SCAF8: variants seen among roughly 807,000 people sequenced by gnomAD.
SCAF8 encodes the protein SR-related CTD associated factor 8, also known as SR-related and CTD-associated factor 8.
Under a neutral mutation model 140.5 loss-of-function variants are expected in SCAF8, and 23 were observed. That is an observed-to-expected ratio of 0.16 (90% CI 0.12 to 0.23). SCAF8 has a LOEUF of 0.23. Among genes scored for constraint, SCAF8 ranks in the 10% least tolerant of loss-of-function variants. The probability of loss-of-function intolerance (pLI) is 1.00; values close to 1 mark genes in which losing one functional copy is unlikely to be tolerated. For synonymous variants in SCAF8, 575 were observed against 528.9 expected (o/e 1.09, Z -1.20); for missense variants, 1,397 against 1,555.7 (o/e 0.90, Z 1.72).
chr6:154,781,071 G>T (rs901342550), intron 3 of SCAF8, among the ~76,000 whole-genome samples: 4 of 152,016 alleles, frequency 2.6e-5, no homozygotes, highest in African/African-American at 9.7e-5. Context: ...CATTCTGACT[G>T]GTGTGAGAGT....
At chr6:154,767,529 CTTTTTTTT>C (rs71021076) in intron 1 of SCAF8, among the ~76,000 whole-genome samples, 15 of 91,036 alleles carry the variant, frequency 1.6e-4, no homozygotes, top group South Asian at 3.5e-4. Context: ...CTTCTGTTAT[CTTTTTTTT>C]TTTTTTTTTT....
intron 9 of SCAF8, 143 bp from the exon 10 acceptor site, chr6:154,807,922 ATTACT>A (rs370142124): frequency 4.2e-5 from 26 of 621,040 alleles, no homozygotes; most frequent in South Asian, 2.2e-4. Context: ...TTTTGGATTG[ATTACT>A]TTATAAATGA....
intron 1 of SCAF8, among the ~76,000 whole-genome samples, chr6:154,757,187 G>T (rs149665918): frequency 6.6e-6 from 1 of 152,120 alleles, no homozygotes; most frequent in Non-Finnish European, 1.5e-5. Flanking sequence ...TAGAGATGGG[G>T]TTTTGCCATG....
chr6:154,751,231 ATT>A (rs879266123), intron 1 of SCAF8, among the ~76,000 whole-genome samples: 4 of 143,024 alleles, frequency 2.8e-5, no homozygotes, highest in Non-Finnish European at 4.6e-5. Flanking sequence ...TAAAAACCAC[ATT>A]TTTTTTTTTT....
rs1428684099 is a variant in SCAF8, at chr6:154,812,285, ATG to A, written c.1420+2079_1420+2080del. Among the ~76,000 whole-genome samples the A allele has an allele frequency of 3.8e-4, 17 of 45,016 alleles. No individual in the cohort carries two copies. In the East Asian group the frequency reaches 9.6e-3, roughly 25 times the overall value. The allele number at this position is 45,016 out of a possible 152,430, so 29.5% of individuals were successfully genotyped here. On this transcript the variant is annotated intron_variant, in intron 12 of 19. Coordinates refer to ENST00000367178, the MANE Select transcript of SCAF8 (RefSeq NM_014892.5). The stretch of plus-strand genomic sequence containing the variant: ...AATAGCAGGTGCCTACTTTGTCTCT[ATG>A]TCAGCTTTTTTTTTTTTTTTTTTTT...
In SCAF8 at chr6:154,774,029, C is replaced by T. The variant is rs749625184; in HGVS notation, c.71C>T (p.Ala24Val). The part of the protein sequence containing the change: ...LNDYKPPISK[A>V]KMTQITKAAI... ...GACTATAAACCACCCATTTCGAAAG[C>T]GAAAATGACCCAAATTACTAAGGCA... is the stretch of plus-strand genomic sequence containing the variant. The change falls in exon 2 of 20, where the codon GCG (alanine) becomes GTG (valine). Residue 24 changes from alanine to valine, a missense_variant. Ala to Val is a moderately conservative substitution (Grantham distance 64). Around this residue, in one of 5 missense-constraint regions of SCAF8, gnomAD observed 43 missense variants for 142.1 expected, o/e 0.30. Coordinates refer to ENST00000367178, the MANE Select transcript of SCAF8 (RefSeq NM_014892.5). 5 of 1,612,512 alleles carry T rather than the reference C, an allele frequency of 3.1e-6. No individual in the cohort carries two copies. The highest frequency in any genetic ancestry group is 2.2e-5 in the East Asian group (1 of 44,820).
In SCAF8 at chr6:154,778,080, T is replaced by C. The variant is rs367955250; in HGVS notation, c.159+35T>C. 2.5e-5 allele frequency: 30 copies of C among 1,184,298 alleles called. No homozygotes were observed. In the African/African-American group the frequency reaches 4.1e-4, roughly 16 times the overall value. 73.4% of individuals were successfully genotyped at this position (1,184,298 alleles called of 1,614,324 possible). ...TAATTTTCCATACATGTGCTGTAAT[T>C]GTAGATTAATGCCTGTACTCTTCTC... On this transcript the variant is annotated intron_variant, in intron 3 of 19. Transcript: ENST00000367178.
chr6:154,768,265 G>T lies in SCAF8; in HGVS notation c.31-5724G>T, dbSNP rs1026719215. Among the ~76,000 whole-genome samples the T allele has an allele frequency of 3.9e-5, 6 of 152,240 alleles. No homozygotes were observed. The East Asian group carries it at 5.8e-4, about 15-fold the overall frequency. ...GCTTTTCTTTTAATGTCATGACTTT[G>T]CTTCTTGAGAGCACCTTCAGCATCA... On this transcript the variant is annotated intron_variant, in intron 1 of 19. Transcript: ENST00000367178.
intron 7 of SCAF8, among the ~76,000 whole-genome samples, chr6:154,803,253 T>A (rs1223126522): frequency 6.6e-6 from 1 of 152,136 alleles, no homozygotes. Flanking sequence ...CTTATTACCA[T>A]GGAAAAACCA....
intron 3 of SCAF8, among the ~76,000 whole-genome samples, chr6:154,782,384 A>G (rs1296622344): frequency 6.6e-6 from 1 of 152,272 alleles, no homozygotes; most frequent in African/African-American, 2.4e-5. Context: ...GTGCCACTGC[A>G]CTCTAGCTTG....
At chr6:154,788,204 T>G (rs1205179867) in intron 4 of SCAF8, among the ~76,000 whole-genome samples, 182 bp downstream of exon 4, 3 of 152,196 alleles carry the variant, frequency 2.0e-5, no homozygotes, top group Non-Finnish European at 4.4e-5. Context: ...TTACCATTTC[T>G]CATTTATGTA....
At chr6:154,742,824 G>C (rs1778605365) in intron 1 of SCAF8, among the ~76,000 whole-genome samples, 1 of 152,174 alleles carries the variant, frequency 6.6e-6, no homozygotes, top group African/African-American at 2.4e-5. Context: ...TGACAAATTT[G>C]TTTTTAAAAT....
chr6:154,797,926 C>G (rs1777655217), intron 6 of SCAF8, among the ~76,000 whole-genome samples: 1 of 151,398 alleles, frequency 6.6e-6, no homozygotes, highest in African/African-American at 2.4e-5. Flanking sequence ...ATCTACTTCT[C>G]CAATTTTCAT....
At chr6:154,780,058 A>G (rs1777041465) in intron 3 of SCAF8, among the ~76,000 whole-genome samples, 1 of 152,148 alleles carries the variant, frequency 6.6e-6, no homozygotes, top group Non-Finnish European at 1.5e-5. Context: ...TTAATCACAT[A>G]TATAGATTCA....
Position 154,831,703 on chromosome 6 carries a change from TAAAAAAAAAAAAA to T in SCAF8, c.2360-209_2360-197del, listed in dbSNP as rs58013583. ...CCTTTTAAACCTCCACTCCTGTTCT[TAAAAAAAAAAAAA>T]AAAAAAAAAAAAAAAAAAAAAAAAA... On this transcript the variant is annotated intron_variant, in intron 19 of 19. Coordinates refer to ENST00000367178, the MANE Select transcript of SCAF8 (RefSeq NM_014892.5). Among the ~76,000 whole-genome samples the T allele has an allele frequency of 5.0e-3, 240 of 48,084 alleles. 2 individuals carry two copies. The highest frequency in any genetic ancestry group is 0.047 in the East Asian group (60 of 1,274). 31.5% of individuals were successfully genotyped at this position (48,084 alleles called of 152,430 possible).
chr6:154,766,260 G>A (rs1318617118), intron 1 of SCAF8, among the ~76,000 whole-genome samples: 4 of 152,008 alleles, frequency 2.6e-5, no homozygotes, highest in Non-Finnish European at 5.9e-5. Flanking sequence ...GGAGAGGGAA[G>A]GGGAGGCAGG....
Position 154,794,788 on chromosome 6 carries a change from T to G in SCAF8, c.476-221T>G, listed in dbSNP as rs1469740099. 4.9e-4 allele frequency among the ~76,000 whole-genome samples: 19 copies of G among 38,596 alleles called. 1 individual carries two copies. Among genetic ancestry groups the G allele is most frequent in the African/African-American group, 1.3e-3 (5 of 3,884 alleles). 25.3% of individuals were successfully genotyped at this position (38,596 alleles called of 152,430 possible). A position where few individuals can be genotyped will look rare whatever the true frequency, so the allele number is the denominator to read the frequency against. ...GGGGGGGGGGTGTGGGGGGTGTGTG[T>G]GTGTGTGTGTGTGTGTGTGTGTGTG... On this transcript the variant is annotated intron_variant, in intron 5 of 19. Transcript: ENST00000367178.
At chr6:154,752,007 T>A (rs983523360) in intron 1 of SCAF8, among the ~76,000 whole-genome samples, 3 of 152,210 alleles carry the variant, frequency 2.0e-5, no homozygotes, top group African/African-American at 4.8e-5. Context: ...TACCCACTTT[T>A]AAAGAGAGGA....
At chr6:154,827,343 G>A (rs1163444985) in intron 18 of SCAF8, 103 bp downstream of exon 18, 2 of 777,374 alleles carry the variant, frequency 2.6e-6, no homozygotes, top group African/African-American at 3.6e-5. Context: ...TATTATGAAA[G>A]CTTTAAGACA....
Sources: allele counts gnomAD v4.1 joint callset (sites outside exome capture counted in the v4.1 genomes callset), GRCh38; gene constraint gnomAD v4.1.1; regional missense constraint gnomAD v4.1.1; transcripts MANE v1.5; gene names NCBI Gene and HGNC (gene_info 2026-07-23, HGNC 2026-07-21).